The following SLC12A8 variants were observed in gnomAD, a reference collection of about 807,000 sequenced individuals.
SLC12A8 encodes the protein solute carrier family 12 member 8, also known as cation-chloride cotransporter 9.
Under a neutral mutation model 75.6 loss-of-function variants are expected in SLC12A8, and 69 were observed. That is an observed-to-expected ratio of 0.91 (90% CI 0.75 to 1.11). SLC12A8 has a LOEUF of 1.11. Ranked by LOEUF, SLC12A8 falls within the 50% of genes most tolerant of loss-of-function variation. SLC12A8 has a pLI of 0.00. For missense variants in SLC12A8, 877 were observed against 896.7 expected (o/e 0.98, Z 0.28); for synonymous variants, 365 against 372.8 (o/e 0.98, Z 0.24).
chr3:125,104,525 G>C (rs199676179), intron 10 of SLC12A8, among the ~76,000 whole-genome samples: 1 of 118,776 alleles, frequency 8.4e-6, no homozygotes, highest in Non-Finnish European at 1.8e-5. Flanking sequence ...AAAAAAAAAA[G>C]ACAAGGACAA....
chr3:125,201,825 AATTAG>A (rs1407584090), intron 2 of SLC12A8, among the ~76,000 whole-genome samples: 1 of 152,162 alleles, frequency 6.6e-6, no homozygotes, highest in Admixed American at 6.5e-5. Flanking sequence ...AAAATTTAGG[AATTAG>A]ATTAAATTAT....
intron 3 of SLC12A8, among the ~76,000 whole-genome samples, chr3:125,189,988 T>C (rs1934876357): frequency 6.6e-6 from 1 of 151,826 alleles, no homozygotes; most frequent in African/African-American, 2.4e-5. Context: ...TGCAGTGTGG[T>C]GGGGGAAGGC....
At chr3:125,109,589 A>G (rs1361508782) in intron 9 of SLC12A8, among the ~76,000 whole-genome samples, 2 of 152,172 alleles carry the variant, frequency 1.3e-5, no homozygotes, top group African/African-American at 4.8e-5. Context: ...GGGAAATGGG[A>G]TTCTCTGTTT....
chr3:125,195,128 A>G (rs1028143629), intron 2 of SLC12A8, among the ~76,000 whole-genome samples: 5 of 152,272 alleles, frequency 3.3e-5, no homozygotes, highest in African/African-American at 1.2e-4. Context: ...TTAAATATAC[A>G]TGAGGATTTC....
chr3:125,108,530 G>T (rs1420160105), intron 9 of SLC12A8, among the ~76,000 whole-genome samples: 2 of 152,012 alleles, frequency 1.3e-5, no homozygotes, highest in Admixed American at 6.6e-5. Context: ...CACCATGCAT[G>T]GCTAATTTTT....
At position 125,092,200 on chromosome 3, in the gene SLC12A8, T is replaced by C; in HGVS notation, c.1706-2A>G. ...GGAGCCTGGACTTCAGGAAGAAATC[T>C]AAAAAATAGCCAAAGATTTGGCTGC... On this transcript the variant is annotated splice_acceptor_variant, in intron 10 of 13. Coordinates refer to ENST00000469902, the MANE Select transcript of SLC12A8 (RefSeq NM_024628.6). LOFTEE classifies it high-confidence loss of function. The C allele has an allele frequency of 1.2e-6, 2 of 1,609,788 alleles. No individual in the cohort carries two copies. Among genetic ancestry groups the C allele is most frequent in the Non-Finnish European group, 1.7e-6 (2 of 1,176,630 alleles).
intron 5 of SLC12A8, among the ~76,000 whole-genome samples, chr3:125,165,425 G>A (rs532357794): frequency 6.6e-6 from 1 of 152,322 alleles, no homozygotes; most frequent in East Asian, 1.9e-4. Flanking sequence ...CTGGAGCCCA[G>A]AAGACCCTTC....
chr3:125,176,829 G>A lies in SLC12A8; in HGVS notation c.622+914C>T, dbSNP rs1452301800. Reference sequence around the variant, plus strand: ...TCATTAAAAAGTCAGGAAACAACAGGTGCTAGAGAGGATGTGCAGAAATAG... The same window carrying A: ...TCATTAAAAAGTCAGGAAACAACAGATGCTAGAGAGGATGTGCAGAAATAG... On this transcript the variant is annotated intron_variant, in intron 5 of 13. Coordinates refer to ENST00000469902, the MANE Select transcript of SLC12A8 (RefSeq NM_024628.6). Among the ~76,000 whole-genome samples the A allele has an allele frequency of 7.0e-5, 10 of 143,630 alleles. No individual in the cohort carries two copies. In the East Asian group the frequency reaches 1.9e-3, roughly 27 times the overall value. 94.2% of individuals were successfully genotyped at this position (143,630 alleles called of 152,430 possible).
At position 125,119,869 on chromosome 3, in the gene SLC12A8, A is replaced by G. The variant is rs771487617; in HGVS notation, c.824+730T>C. The G allele has an allele frequency of 7.4e-5, 34 of 456,602 alleles. 1 individual carries two copies. The Middle Eastern group carries it at 4.2e-3, about 56-fold the overall frequency. 28.3% of individuals were successfully genotyped at this position (456,602 alleles called of 1,614,324 possible). A position where few individuals can be genotyped will look rare whatever the true frequency, so the allele number is the denominator to read the frequency against. On this transcript the variant is annotated intron_variant, in intron 7 of 13. Transcript: ENST00000469902. ...CTCTTTGCCTCTTCACACCTACCCAATGAAGGGCAGAGAAGCTTCTTCCTG... is the reference window on the plus strand; with the variant it reads ...CTCTTTGCCTCTTCACACCTACCCAGTGAAGGGCAGAGAAGCTTCTTCCTG...
intron 13 of SLC12A8, among the ~76,000 whole-genome samples, chr3:125,086,591 C>T (rs1938466099): frequency 6.6e-6 from 1 of 152,212 alleles, no homozygotes; most frequent in African/African-American, 2.4e-5. Flanking sequence ...CTGTAGGCAG[C>T]TTTTACACAG....
intron 5 of SLC12A8, among the ~76,000 whole-genome samples, chr3:125,159,782 C>T (rs1934128654): frequency 6.6e-6 from 1 of 152,222 alleles, no homozygotes; most frequent in Non-Finnish European, 1.5e-5. Context: ...CCAAGCACTC[C>T]CTCTGGTCAT....
At chr3:125,204,435 G>A (rs1935187779) in intron 2 of SLC12A8, among the ~76,000 whole-genome samples, 1 of 152,158 alleles carries the variant, frequency 6.6e-6, no homozygotes, top group Non-Finnish European at 1.5e-5. Context: ...GCAGCAACGT[G>A]GATGGAACTG....
chr3:125,193,043 T>A (rs1039698982), intron 2 of SLC12A8, among the ~76,000 whole-genome samples: 2 of 152,212 alleles, frequency 1.3e-5, no homozygotes, highest in African/African-American at 2.4e-5. Flanking sequence ...ATTTCCCAGA[T>A]GCCACGCTGC....
At chr3:125,165,473 G>A (rs537995448) in intron 5 of SLC12A8, among the ~76,000 whole-genome samples, 36 of 152,338 alleles carry the variant, frequency 2.4e-4, no homozygotes, top group Non-Finnish European at 2.8e-4. Context: ...ACCACATGGC[G>A]AAGGGAGCCA....
chr3:125,163,141 A>G (rs1934210686), intron 5 of SLC12A8, among the ~76,000 whole-genome samples: 1 of 151,540 alleles, frequency 6.6e-6, no homozygotes, highest in Non-Finnish European at 1.5e-5. Context: ...CTGTCTCTAC[A>G]AAAGATACAA....
At chr3:125,152,517 GA>G (rs1933951870) in intron 5 of SLC12A8, among the ~76,000 whole-genome samples, 1 of 152,176 alleles carries the variant, frequency 6.6e-6, no homozygotes, top group Non-Finnish European at 1.5e-5. Context: ...GATGCAGGAA[GA>G]AGTTTAACAG....
intron 13 of SLC12A8, chr3:125,088,013 GA>G (rs1185507534): frequency 1.0e-5 from 4 of 400,562 alleles, no homozygotes; most frequent in East Asian, 4.1e-5. Flanking sequence ...AACTCACTGA[GA>G]GTAGTGACTT....
intron 5 of SLC12A8, among the ~76,000 whole-genome samples, chr3:125,137,278 C>T (rs1223220117): frequency 6.6e-6 from 1 of 152,158 alleles, no homozygotes; most frequent in Non-Finnish European, 1.5e-5. Flanking sequence ...ACAAGGGACC[C>T]TTGGGAGTCC....
In SLC12A8 at chr3:125,190,367, G is replaced by T. The variant is rs759575153; in HGVS notation, c.198+8C>A. On this transcript the variant is annotated splice_region_variant and intron_variant, in intron 3 of 13. Coordinates refer to ENST00000469902, the MANE Select transcript of SLC12A8 (RefSeq NM_024628.6). ...TGAGAGGCTCCAGGCCACCAACTCA[G>T]CACTCACCACCAGCCAGCCAGTCCT... 3 of 1,613,976 alleles carry T rather than the reference G, an allele frequency of 1.9e-6. No homozygotes were observed. Among genetic ancestry groups the T allele is most frequent in the Non-Finnish European group, 2.5e-6 (3 of 1,179,922 alleles).
Sources: allele counts gnomAD v4.1 joint callset (sites outside exome capture counted in the v4.1 genomes callset), GRCh38; gene constraint gnomAD v4.1.1; transcripts MANE v1.5; gene names NCBI Gene and HGNC (gene_info 2026-07-23, HGNC 2026-07-21).